FBXL13: variants seen among roughly 807,000 people sequenced by gnomAD.
The protein encoded by FBXL13 is F-box and leucine-rich repeat protein 13.
Under a neutral mutation model 83.6 loss-of-function variants are expected in FBXL13, and 67 were observed. The observed-to-expected ratio is 0.80, with a 90% CI of 0.66 to 0.98. FBXL13 has a LOEUF of 0.98. Ranked by LOEUF, FBXL13 falls within the 50% of genes least tolerant of loss-of-function variation. The probability of loss-of-function intolerance (pLI) is 0.00; values close to 1 mark genes in which losing one functional copy is unlikely to be tolerated. For missense variants in FBXL13, 822 were observed against 866.5 expected, an observed-to-expected ratio of 0.95 and a Z score of 0.64; for synonymous variants, 272 against 299.5, an observed-to-expected ratio of 0.91 and a Z score of 0.95.
intron 8 of FBXL13, chr7:102,933,966 T>A (rs371158213): frequency 6.2e-7 from 1 of 1,613,834 alleles, no homozygotes; most frequent in Non-Finnish European, 8.5e-7. Flanking sequence ...GCGGCTGAGC[T>A]GCGCAAAGCA....
intron 16 of FBXL13, among the ~76,000 whole-genome samples, chr7:102,857,237 A>G (rs79705389): frequency 0.028 from 4,211 of 152,254 alleles, 87 homozygotes; most frequent in Non-Finnish European, 0.037. Context: ...ATGGGATGAT[A>G]TCAAACTAAA....
chr7:103,069,602 G>C (rs1033675970), intron 1 of FBXL13, among the ~76,000 whole-genome samples: 38 of 152,250 alleles, frequency 2.5e-4, no homozygotes, highest in Middle Eastern at 3.4e-3. Context: ...GGATGAACCA[G>C]ATGTAAACCG....
At position 102,968,124 on chromosome 7, in the gene FBXL13, A is replaced by G. The variant is rs1416777786; in HGVS notation, c.496-7T>C. ...AACTGAGGTAGAAGAAAATCTAAAC[A>G]CAAAGAAAAATACACAACTTTGAAA... On this transcript the variant is annotated splice_polypyrimidine_tract_variant and splice_region_variant and intron_variant, in intron 6 of 19. Transcript: ENST00000313221. The G allele has an allele frequency of 6.3e-7, 1 of 1,587,536 alleles. No individual in the cohort carries two copies. The highest frequency in any genetic ancestry group is 1.7e-5 in the Admixed American group (1 of 59,782).
chr7:102,819,047 G>A (rs951247755), intron 19 of FBXL13, among the ~76,000 whole-genome samples: 1 of 152,066 alleles, frequency 6.6e-6, no homozygotes, highest in African/African-American at 2.4e-5. Flanking sequence ...GTGAGAACAT[G>A]CGTTATTTGG....
At chr7:102,924,624 T>C (rs1385582672) in intron 10 of FBXL13, among the ~76,000 whole-genome samples, 1 of 151,194 alleles carries the variant, frequency 6.6e-6, no homozygotes, top group African/African-American at 2.4e-5. Context: ...CACCGAGAAT[T>C]TTCTGTGTAA....
At chr7:103,060,057 T>C (rs1257777717) in intron 1 of FBXL13, among the ~76,000 whole-genome samples, 11 of 120,864 alleles carry the variant, frequency 9.1e-5, no homozygotes, top group South Asian at 5.6e-4. Flanking sequence ...TATATATATA[T>C]ATATATACTT....
chr7:102,873,875 C>G lies in FBXL13; in HGVS notation c.1635+3592G>C, dbSNP rs117933564. Among the ~76,000 whole-genome samples, 1,394 of 152,308 alleles carry G rather than the reference C, an allele frequency of 9.2e-3. 9 individuals carry two copies. Among genetic ancestry groups the G allele is most frequent in the Non-Finnish European group, 0.016 (1,115 of 68,024 alleles). On this transcript the variant is annotated intron_variant, in intron 16 of 19. Transcript: ENST00000313221. ...CACCTTTCTTCTCTGGGAAAAGAATCTCTGAGCTAGGTTAGCTTTCCCCTC... is the reference window on the plus strand; with the variant it reads ...CACCTTTCTTCTCTGGGAAAAGAATGTCTGAGCTAGGTTAGCTTTCCCCTC...
At chr7:102,899,963 C>T (rs551555522) in intron 11 of FBXL13, among the ~76,000 whole-genome samples, 18 of 152,098 alleles carry the variant, frequency 1.2e-4, no homozygotes, top group Non-Finnish European at 1.0e-4. Flanking sequence ...AGGAGAATTG[C>T]CTGAACCCAG....
intron 6 of FBXL13, among the ~76,000 whole-genome samples, chr7:102,993,162 T>C (rs1563195610): frequency 6.6e-6 from 1 of 152,210 alleles, no homozygotes; most frequent in African/African-American, 2.4e-5. Context: ...ACTGTCTGCA[T>C]TGGTGAAATG....
chr7:102,870,433 A>T (rs1026457322), intron 16 of FBXL13, among the ~76,000 whole-genome samples: 1 of 152,218 alleles, frequency 6.6e-6, no homozygotes, highest in Non-Finnish European at 1.5e-5. Flanking sequence ...CAACATGATC[A>T]ATATTTATAA....
intron 7 of FBXL13, among the ~76,000 whole-genome samples, chr7:102,965,592 C>T (rs1316751651): frequency 6.6e-6 from 1 of 152,186 alleles, no homozygotes; most frequent in Non-Finnish European, 1.5e-5. Context: ...AACACATACA[C>T]TCTGGCAATT....
chr7:102,825,849 T>C (rs1217541923), intron 18 of FBXL13, among the ~76,000 whole-genome samples: 1 of 152,244 alleles, frequency 6.6e-6, no homozygotes, highest in Non-Finnish European at 1.5e-5. Flanking sequence ...TCCCCAGCTC[T>C]GGCACTATTT....
chr7:102,856,066 C>A (rs183211160), intron 16 of FBXL13, among the ~76,000 whole-genome samples: 10 of 152,126 alleles, frequency 6.6e-5, no homozygotes, highest in Non-Finnish European at 1.3e-4. Context: ...TGAATTTATT[C>A]CTGTGCCATA....
intron 2 of FBXL13, among the ~76,000 whole-genome samples, chr7:103,038,244 C>T (rs768445915): frequency 2.6e-5 from 4 of 151,152 alleles, no homozygotes; most frequent in South Asian, 2.2e-4. Context: ...TGCAGATTGG[C>T]GGGGGGAGGG....
chr7:102,956,575 G>A (rs866041740), intron 8 of FBXL13, among the ~76,000 whole-genome samples: 5 of 152,148 alleles, frequency 3.3e-5, no homozygotes, highest in African/African-American at 7.2e-5. Context: ...ATTCAGTTAG[G>A]AAAAGAGGAA....
chr7:102,904,842 A>G (rs1280150673), intron 11 of FBXL13, among the ~76,000 whole-genome samples: 2 of 152,034 alleles, frequency 1.3e-5, no homozygotes, highest in Non-Finnish European at 2.9e-5. Flanking sequence ...AAATTTTTCA[A>G]TTTCCTTCTT....
At chr7:102,847,611 C>CT (rs1490037614) in intron 17 of FBXL13, among the ~76,000 whole-genome samples, 2 of 151,924 alleles carry the variant, frequency 1.3e-5, no homozygotes, top group Non-Finnish European at 2.9e-5. Context: ...ACTGCAACCT[C>CT]TGCCTCCTGG....
chr7:102,947,858 C>T (rs998636621), intron 8 of FBXL13, among the ~76,000 whole-genome samples: 5 of 151,830 alleles, frequency 3.3e-5, no homozygotes, highest in African/African-American at 9.7e-5. Flanking sequence ...TTACTATAAA[C>T]GGAGTCCTCC....
At chr7:102,871,179 T>G (rs913357427) in intron 16 of FBXL13, among the ~76,000 whole-genome samples, 1 of 152,066 alleles carries the variant, frequency 6.6e-6, no homozygotes, top group African/African-American at 2.4e-5. Flanking sequence ...CTTGGCCACA[T>G]TCACACCTCC....
Sources: gnomAD v4.1 joint callset for allele counts (sites outside exome capture counted in the v4.1 genomes callset) on GRCh38, gnomAD v4.1.1 for gene constraint, MANE v1.5 for transcripts, NCBI Gene and HGNC (gene_info 2026-07-23, HGNC 2026-07-21) for gene names.